Variants in RASEF observed in about 807,000 individuals in gnomAD.
The protein encoded by RASEF is ras and EF-hand domain-containing protein.
In RASEF, 68 loss-of-function variants were observed where a neutral mutation model predicts 90.1. The ratio of observed to expected loss-of-function variants is 0.75; its 90% CI spans 0.62 to 0.92. RASEF has a LOEUF of 0.92. RASEF is among the 40% of genes least tolerant of loss of function. The pLI, the probability that RASEF is intolerant of heterozygous loss-of-function variation, is 0.00. For synonymous variants in RASEF, 331 were observed against 345.2 expected, an observed-to-expected ratio of 0.96 and a Z score of 0.46; for missense variants, 949 against 937.2, an observed-to-expected ratio of 1.01 and a Z score of -0.16.
the RASEF span, among the ~76,000 whole-genome samples, chr9:83,156,834 A>G: frequency 6.6e-6 from 1 of 152,150 alleles, no homozygotes; most frequent in Admixed American, 6.6e-5. Flanking sequence ...TGAGACCTCC[A>G]CTTTGTACTT....
chr9:82,989,002 G>A (rs1271005046), intron 16 of RASEF, among the ~76,000 whole-genome samples: 1 of 152,118 alleles, frequency 6.6e-6, no homozygotes, highest in Admixed American at 6.6e-5. Flanking sequence ...TGTCAAAGAG[G>A]GAAATGTTCG....
At chr9:83,078,533 G>A in the RASEF span, among the ~76,000 whole-genome samples, 14 of 151,986 alleles carry the variant, frequency 9.2e-5, no homozygotes, top group African/African-American at 2.2e-4. Flanking sequence ...GCGTGGTGGC[G>A]TGCATCTTTA....
intron 1 of RASEF, among the ~76,000 whole-genome samples, chr9:83,036,585 A>G (rs1374319806): frequency 6.6e-6 from 1 of 152,180 alleles, no homozygotes; most frequent in African/African-American, 2.4e-5. Context: ...TTCTGGCAGC[A>G]ACAACCTCGA....
chr9:83,099,215 C>G, the RASEF span, among the ~76,000 whole-genome samples: 6 of 152,256 alleles, frequency 3.9e-5, 1 homozygote, highest in Middle Eastern at 3.4e-3. Flanking sequence ...TACTTATGCT[C>G]TCTACATAAG....
intron 9 of RASEF, among the ~76,000 whole-genome samples, chr9:83,002,435 G>A (rs187397882): frequency 3.1e-3 from 463 of 151,788 alleles, no homozygotes; most frequent in Non-Finnish European, 5.0e-3. Flanking sequence ...AGCTAGCTAC[G>A]TGTGTGCATG....
intron 16 of RASEF, 104 bp downstream of exon 16, chr9:82,990,287 G>A (rs1191660992): frequency 1.3e-6 from 1 of 743,662 alleles, no homozygotes; most frequent in African/African-American, 1.8e-5. Flanking sequence ...TGACAGATAA[G>A]AGAGTGTTTT....
At chr9:83,181,012 G>A in the RASEF span, among the ~76,000 whole-genome samples, 1 of 151,510 alleles carries the variant, frequency 6.6e-6, no homozygotes. Context: ...TTATGCATTG[G>A]TTTGCCCTGG....
Position 82,981,209 on chromosome 9 carries a change from T to C in RASEF, c.*1468A>G, listed in dbSNP as rs1828593953. ...AGATGAAGCAAGGTAAATTAGAATCTTTTGTTGTAGCCCACCCTAGGCTCA... is the reference window on the plus strand; with the variant it reads ...AGATGAAGCAAGGTAAATTAGAATCCTTTGTTGTAGCCCACCCTAGGCTCA... On this transcript the variant is annotated 3_prime_UTR_variant, in exon 17 of 17. Transcript: ENST00000376447. 1 of 152,186 alleles carries C rather than the reference T, an allele frequency of 6.6e-6. No individual in the cohort carries two copies. Among genetic ancestry groups the C allele is most frequent in the Admixed American group, 6.5e-5 (1 of 15,284 alleles). The allele number at this position is 152,186 out of a possible 1,614,324, so 9.4% of individuals were successfully genotyped here.
the RASEF span, among the ~76,000 whole-genome samples, chr9:83,176,992 C>T: frequency 6.6e-6 from 1 of 151,886 alleles, no homozygotes; most frequent in Admixed American, 6.6e-5. Context: ...TTTGTATTAC[C>T]ATCTCTTGTC....
chr9:83,016,749 A>G (rs1308801152), intron 3 of RASEF, among the ~76,000 whole-genome samples: 1 of 152,174 alleles, frequency 6.6e-6, no homozygotes, highest in Non-Finnish European at 1.5e-5. Flanking sequence ...ACAGGAAGTC[A>G]GTCTGCTAGA....
the RASEF span, among the ~76,000 whole-genome samples, chr9:83,109,759 C>T: frequency 6.6e-6 from 1 of 152,178 alleles, no homozygotes; most frequent in Non-Finnish European, 1.5e-5. Flanking sequence ...ATTTTTACCA[C>T]TGTGCAAGCT....
chr9:83,037,864 A>AC (rs1357905772), intron 1 of RASEF, among the ~76,000 whole-genome samples: 4 of 151,218 alleles, frequency 2.6e-5, no homozygotes, highest in Non-Finnish European at 4.4e-5. Flanking sequence ...GCTACCATCT[A>AC]TTTTTGAAGC....
chr9:83,185,549 G>C, the RASEF span, among the ~76,000 whole-genome samples: 8 of 152,022 alleles, frequency 5.3e-5, no homozygotes, highest in Non-Finnish European at 1.2e-4. Context: ...TTCTGGTAGT[G>C]AGACTTCCTG....
intron 10 of RASEF, 96 bp downstream of exon 10, chr9:83,000,800 C>G (rs1454724723): frequency 4.4e-6 from 5 of 1,147,774 alleles, no homozygotes; most frequent in African/African-American, 3.1e-5. Context: ...CATCTATGAC[C>G]TTTAAAACAG....
At chr9:83,103,019 C>G in the RASEF span, among the ~76,000 whole-genome samples, 1 of 152,314 alleles carries the variant, frequency 6.6e-6, no homozygotes, top group South Asian at 2.1e-4. Context: ...TCTACACGGG[C>G]CACTTCCCTC....
At chr9:83,009,293 T>G (rs1394523957) in intron 6 of RASEF, among the ~76,000 whole-genome samples, 1 of 152,158 alleles carries the variant, frequency 6.6e-6, no homozygotes, top group Admixed American at 6.5e-5. Flanking sequence ...GAAAATAGAC[T>G]TGCCTACTTT....
At chr9:83,134,406 T>C in the RASEF span, among the ~76,000 whole-genome samples, 4 of 96,124 alleles carry the variant, frequency 4.2e-5, no homozygotes, top group Admixed American at 1.0e-4. Flanking sequence ...TTGATCACAA[T>C]AGCGCACACA....
intron 1 of RASEF, among the ~76,000 whole-genome samples, chr9:83,033,379 G>A (rs1220242665): frequency 6.6e-6 from 1 of 152,210 alleles, no homozygotes; most frequent in African/African-American, 2.4e-5. Flanking sequence ...TAGAACAGGT[G>A]AACATGACCA....
the RASEF span, among the ~76,000 whole-genome samples, chr9:83,080,526 C>T: frequency 6.6e-6 from 1 of 152,116 alleles, no homozygotes. Context: ...GAGGGTACTT[C>T]ATAAAGCTAA....
Sources: gnomAD v4.1 joint callset for allele counts (sites outside exome capture counted in the v4.1 genomes callset) on GRCh38, gnomAD v4.1.1 for gene constraint, MANE v1.5 for transcripts, NCBI Gene and HGNC (gene_info 2026-07-23, HGNC 2026-07-21) for gene names.